THSD7A: variants seen among roughly 807,000 people sequenced by gnomAD.
The protein encoded by THSD7A is thrombospondin type-1 domain-containing protein 7A.
A neutral mutation model predicts 231.3 loss-of-function variants in THSD7A; 96 were observed. The ratio of observed to expected loss-of-function variants is 0.41; its 90% CI spans 0.35 to 0.49. The LOEUF (loss-of-function observed/expected upper bound fraction) is 0.49, where lower values mean the gene tolerates loss of function less well. Ranked by LOEUF, THSD7A falls within the 20% of genes least tolerant of loss-of-function variation. The pLI, the probability that THSD7A is intolerant of heterozygous loss-of-function variation, is 0.05. For missense variants in THSD7A, 2,290 were observed against 2,070.2 expected (o/e 1.11, Z -2.06); for synonymous variants, 940 against 743.3 (o/e 1.26, Z -4.30).
intron 1 of THSD7A, among the ~76,000 whole-genome samples, chr7:11,748,356 T>C (rs1406014637): frequency 6.6e-6 from 1 of 151,998 alleles, no homozygotes; most frequent in African/African-American, 2.4e-5. Context: ...AACTTACTCA[T>C]GAAAATAATT....
At chr7:11,792,746 C>A (rs895273810) in intron 1 of THSD7A, among the ~76,000 whole-genome samples, 16 of 151,920 alleles carry the variant, frequency 1.1e-4, no homozygotes, top group African/African-American at 3.4e-4. Flanking sequence ...TCCACTATAC[C>A]ATAGGCCATT....
chr7:11,546,322 C>T (rs142281822), intron 4 of THSD7A, among the ~76,000 whole-genome samples: 79 of 152,260 alleles, frequency 5.2e-4, no homozygotes, highest in Non-Finnish European at 9.0e-4. Flanking sequence ...GTGCTTTTGC[C>T]AGCACCCTCC....
intron 14 of THSD7A, 46 bp downstream of exon 14, chr7:11,428,901 T>C (rs1784399632): frequency 1.3e-6 from 2 of 1,548,010 alleles, no homozygotes; most frequent in East Asian, 2.4e-5. Flanking sequence ...AATCAGATCA[T>C]TGTGAATCTC....
chr7:11,438,859 A>C (rs1784714215), intron 13 of THSD7A, among the ~76,000 whole-genome samples: 1 of 152,016 alleles, frequency 6.6e-6, no homozygotes, highest in Non-Finnish European at 1.5e-5. Flanking sequence ...ATCCGGTAGT[A>C]AATAAACCTA....
chr7:11,832,171 C>T lies in THSD7A; in HGVS notation c.-225G>A. The T allele has an allele frequency of 3.2e-6, 1 of 314,458 alleles. No individual in the cohort carries two copies. Among genetic ancestry groups the T allele is most frequent in the Non-Finnish European group, 5.7e-6 (1 of 174,410 alleles). The allele number at this position is 314,458 out of a possible 1,614,324, so 19.5% of individuals were successfully genotyped here. ...GCCGCCGCCGCCTCTGGCGGGGATG[C>T]TGCTGCCGCTGCCATTCCTCGCAGA... On this transcript the variant is annotated 5_prime_UTR_variant, in exon 1 of 28. Coordinates refer to ENST00000423059, the MANE Select transcript of THSD7A (RefSeq NM_015204.3).
chr7:11,415,806 T>A (rs114774642), intron 17 of THSD7A, among the ~76,000 whole-genome samples: 384 of 152,328 alleles, frequency 2.5e-3, no homozygotes, highest in African/African-American at 7.1e-3. Flanking sequence ...TAAACTTCGA[T>A]TGATTGGGAC....
intron 6 of THSD7A, among the ~76,000 whole-genome samples, chr7:11,540,336 T>G (rs190451900): frequency 1.1e-3 from 168 of 152,324 alleles, no homozygotes; most frequent in Admixed American, 9.7e-3. Flanking sequence ...AATAGCAGTG[T>G]CTGTCAGTCT....
At chr7:11,779,065 T>C (rs781467079) in intron 1 of THSD7A, among the ~76,000 whole-genome samples, 1 of 152,162 alleles carries the variant, frequency 6.6e-6, no homozygotes, top group East Asian at 1.9e-4. Flanking sequence ...TCTAATGGGT[T>C]TGAAAAATTA....
At chr7:11,378,895 T>C in intron 26 of THSD7A, 175 bp downstream of exon 26, 1 of 633,370 alleles carries the variant, frequency 1.6e-6, no homozygotes, top group Non-Finnish European at 2.6e-6. Context: ...CAAACATGAG[T>C]TATTTTCCAT....
At chr7:11,777,428 C>T (rs1201548316) in intron 1 of THSD7A, among the ~76,000 whole-genome samples, 1 of 89,660 alleles carries the variant, frequency 1.1e-5, no homozygotes, top group Non-Finnish European at 2.4e-5. Context: ...CACACACACA[C>T]ACACACACAC....
At chr7:11,828,168 T>TA (rs1338790370) in intron 1 of THSD7A, among the ~76,000 whole-genome samples, 1 of 152,224 alleles carries the variant, frequency 6.6e-6, no homozygotes, top group Admixed American at 6.5e-5. Flanking sequence ...ACCACCTACT[T>TA]ATAAGTTAAA....
At chr7:11,445,502 G>A (rs973892236) in intron 13 of THSD7A, among the ~76,000 whole-genome samples, 9 of 139,250 alleles carry the variant, frequency 6.5e-5, no homozygotes, top group African/African-American at 2.6e-4. Flanking sequence ...TTTTCTTTTT[G>A]TTTGTTCGTT....
At chr7:11,797,902 G>A (rs1395996286) in intron 1 of THSD7A, among the ~76,000 whole-genome samples, 3 of 152,026 alleles carry the variant, frequency 2.0e-5, no homozygotes, top group Admixed American at 6.6e-5. Flanking sequence ...TCATCTAGTT[G>A]CATTTAATTT....
intron 6 of THSD7A, among the ~76,000 whole-genome samples, chr7:11,539,808 T>C (rs778345359): frequency 7.9e-5 from 12 of 152,222 alleles, no homozygotes; most frequent in South Asian, 2.1e-4. Flanking sequence ...AGAAGTGCCA[T>C]GCAAAGTTAA....
rs753462832 is a variant in THSD7A, at chr7:11,481,798, C to A, written c.2007G>T (p.Ala669=). 1.6e-5 allele frequency: 26 copies of A among 1,599,338 alleles called. No individual in the cohort carries two copies. The highest frequency in any genetic ancestry group is 1.1e-5 in the South Asian group (1 of 88,652). ...QIRARSILAY[A]GEEGGIRCPN... ...AAGCTGGCGACTCACCTTCTTCACC[C>A]GCATAGGCCAGAATGGATCGTGCTC... Residue 669 remains alanine (A), a synonymous_variant, in exon 7 of 28, where the codon GCG becomes GCT. Transcript: ENST00000423059.
chr7:11,819,356 A>G (rs910724626), intron 1 of THSD7A, among the ~76,000 whole-genome samples: 3 of 152,172 alleles, frequency 2.0e-5, no homozygotes, highest in Non-Finnish European at 4.4e-5. Flanking sequence ...AAAAACTTAC[A>G]TCCACACAAA....
At chr7:11,580,704 G>A (rs968261409) in intron 4 of THSD7A, among the ~76,000 whole-genome samples, 1 of 152,038 alleles carries the variant, frequency 6.6e-6, no homozygotes, top group Non-Finnish European at 1.5e-5. Context: ...GACACATAGA[G>A]GGGAACAACA....
intron 23 of THSD7A, among the ~76,000 whole-genome samples, chr7:11,388,241 A>G (rs1050662789): frequency 7.3e-5 from 11 of 150,992 alleles, no homozygotes; most frequent in East Asian, 3.9e-4. Context: ...CTCTTTTTCT[A>G]TTGATTGGAA....
At chr7:11,700,560 T>A (rs1394529636) in intron 1 of THSD7A, among the ~76,000 whole-genome samples, 1 of 151,288 alleles carries the variant, frequency 6.6e-6, no homozygotes, top group African/African-American at 2.4e-5. Flanking sequence ...TGTAAAATCT[T>A]CATTGAAAAT....
Sources: allele counts gnomAD v4.1 joint callset (sites outside exome capture counted in the v4.1 genomes callset), GRCh38; gene constraint gnomAD v4.1.1; transcripts MANE v1.5; gene names NCBI Gene and HGNC (gene_info 2026-07-23, HGNC 2026-07-21).